Variants in CA10 observed in about 807,000 individuals in gnomAD.
CA10 encodes the protein carbonic anhydrase-related protein 10.
CA10 carries 14 observed loss-of-function variants against 44.2 expected under a neutral mutation model. The observed-to-expected ratio is 0.32, with a 90% CI of 0.21 to 0.50. The LOEUF is 0.50. CA10 is among the 20% of genes least tolerant of loss of function. The probability of loss-of-function intolerance (pLI) is 0.99; values close to 1 mark genes in which losing one functional copy is unlikely to be tolerated. For missense variants in CA10, 350 were observed against 409.7 expected, an observed-to-expected ratio of 0.85 and a Z score of 1.26; for synonymous variants, 159 against 141.6, an observed-to-expected ratio of 1.12 and a Z score of -0.87.
At chr17:52,000,726 C>T (rs550916587) in intron 2 of CA10, among the ~76,000 whole-genome samples, 1 of 152,028 alleles carries the variant, frequency 6.6e-6, no homozygotes, top group African/African-American at 2.4e-5. Flanking sequence ...TCAGATATTG[C>T]CTATGCATAT....
intron 4 of CA10, among the ~76,000 whole-genome samples, chr17:51,739,363 G>T (rs1904368887): frequency 6.6e-6 from 1 of 152,052 alleles, no homozygotes; most frequent in Non-Finnish European, 1.5e-5. Flanking sequence ...GGTCTCCATG[G>T]TGACAGGTCT....
chr17:51,730,937 T>C (rs1420572700), intron 4 of CA10, among the ~76,000 whole-genome samples: 2 of 151,146 alleles, frequency 1.3e-5, no homozygotes, highest in South Asian at 4.2e-4. Flanking sequence ...GTTGTTTTAG[T>C]ACCTTGGAAA....
intron 3 of CA10, among the ~76,000 whole-genome samples, chr17:51,764,827 G>T (rs1005155829): frequency 6.6e-6 from 1 of 152,168 alleles, no homozygotes. Context: ...TCCACCTATA[G>T]GGATGGGGGC....
chr17:51,654,103 C>A (rs1206036017), intron 4 of CA10, among the ~76,000 whole-genome samples: 1 of 152,168 alleles, frequency 6.6e-6, no homozygotes, highest in African/African-American at 2.4e-5. Context: ...CCTGCTGCAC[C>A]ACCAACAGCT....
intron 3 of CA10, among the ~76,000 whole-genome samples, chr17:51,886,734 C>G (rs1850441736): frequency 6.6e-6 from 1 of 152,166 alleles, no homozygotes; most frequent in Non-Finnish European, 1.5e-5. Flanking sequence ...ATTGTCCTCA[C>G]AGAATGGGCC....
At chr17:51,963,071 A>T (rs1323675001) in intron 2 of CA10, among the ~76,000 whole-genome samples, 2 of 152,178 alleles carry the variant, frequency 1.3e-5, no homozygotes, top group African/African-American at 2.4e-5. Flanking sequence ...CTTAAAAAGA[A>T]ATCAATCAGA....
At chr17:51,832,834 C>T (rs547975020) in intron 3 of CA10, among the ~76,000 whole-genome samples, 30 of 152,256 alleles carry the variant, frequency 2.0e-4, no homozygotes, top group African/African-American at 5.1e-4. Context: ...GTATAAGCTA[C>T]GCAACAGTGA....
chr17:51,962,021 A>ACT (rs1221183025), intron 2 of CA10, among the ~76,000 whole-genome samples: 1 of 151,752 alleles, frequency 6.6e-6, no homozygotes, highest in African/African-American at 2.4e-5. Flanking sequence ...GAGCCACCCA[A>ACT]CTCCTCCTGT....
At chr17:51,659,937 G>A (rs144859890) in intron 4 of CA10, among the ~76,000 whole-genome samples, 6 of 152,312 alleles carry the variant, frequency 3.9e-5, no homozygotes, top group African/African-American at 1.2e-4. Context: ...CATCCCTGGT[G>A]ATGGGATTTG....
intron 3 of CA10, among the ~76,000 whole-genome samples, chr17:51,781,643 A>G (rs1165731677): frequency 6.6e-6 from 1 of 152,220 alleles, no homozygotes; most frequent in African/African-American, 2.4e-5. Context: ...CAGAAACACA[A>G]TAGGACTCAA....
At chr17:52,022,615 A>T (rs1468697975) in intron 2 of CA10, among the ~76,000 whole-genome samples, 4 of 152,122 alleles carry the variant, frequency 2.6e-5, no homozygotes, top group Non-Finnish European at 5.9e-5. Flanking sequence ...AGCCAGACAA[A>T]TCAGGCAAGA....
chr17:52,143,784 C>T (rs748186791), intron 1 of CA10, among the ~76,000 whole-genome samples: 3 of 152,088 alleles, frequency 2.0e-5, no homozygotes, highest in Non-Finnish European at 4.4e-5. Flanking sequence ...AGTTGTAATC[C>T]AGCCTCTACC....
At chr17:52,082,965 T>A (rs1267947542) in intron 1 of CA10, among the ~76,000 whole-genome samples, 1 of 152,174 alleles carries the variant, frequency 6.6e-6, no homozygotes, top group Non-Finnish European at 1.5e-5. Context: ...ATTTATGTTT[T>A]TAAACAGATG....
At chr17:51,858,360 G>A (rs1406992852) in intron 3 of CA10, among the ~76,000 whole-genome samples, 3 of 152,122 alleles carry the variant, frequency 2.0e-5, no homozygotes, top group Admixed American at 1.3e-4. Context: ...CTGGGACAAC[G>A]AGGAAAATGT....
At chr17:51,740,261 T>A (rs1904403617) in intron 4 of CA10, among the ~76,000 whole-genome samples, 1 of 152,168 alleles carries the variant, frequency 6.6e-6, no homozygotes, top group Non-Finnish European at 1.5e-5. Context: ...TGTAGGGAGT[T>A]AACAGTCTGA....
chr17:52,050,685 T>TGAA (rs1987039103), intron 2 of CA10, among the ~76,000 whole-genome samples: 1 of 152,098 alleles, frequency 6.6e-6, no homozygotes, highest in Non-Finnish European at 1.5e-5. Context: ...TTCCAAGGTT[T>TGAA]GTGCTCCACC....
chr17:52,134,710 G>A (rs1989313570), intron 1 of CA10, among the ~76,000 whole-genome samples: 1 of 151,984 alleles, frequency 6.6e-6, no homozygotes, highest in South Asian at 2.1e-4. Context: ...TCCTACAACT[G>A]CACATCTGCC....
At chr17:51,985,281 T>C (rs1472161491) in intron 2 of CA10, among the ~76,000 whole-genome samples, 1 of 152,038 alleles carries the variant, frequency 6.6e-6, no homozygotes, top group African/African-American at 2.4e-5. Flanking sequence ...ATCATCTTAA[T>C]AGATGCAGAA....
At chr17:52,089,713 GTATA>G (rs1341435881) in intron 1 of CA10, among the ~76,000 whole-genome samples, 6 of 151,612 alleles carry the variant, frequency 4.0e-5, no homozygotes, top group Non-Finnish European at 7.4e-5. Flanking sequence ...AATATGAAAT[GTATA>G]TATATTTTAT....
Sources: gnomAD v4.1 joint callset for allele counts (sites outside exome capture counted in the v4.1 genomes callset) on GRCh38, gnomAD v4.1.1 for gene constraint, MANE v1.5 for transcripts, NCBI Gene and HGNC (gene_info 2026-07-23, HGNC 2026-07-21) for gene names.